SLC43A2: variants seen among roughly 807,000 people sequenced by gnomAD.
SLC43A2 encodes solute carrier family 43 member 2, also known as large neutral amino acids transporter small subunit 4.
SLC43A2 carries 38 observed loss-of-function variants against 63.2 expected under a neutral mutation model. That is an observed-to-expected ratio of 0.60 (90% CI 0.46 to 0.79). SLC43A2 has a LOEUF of 0.79. SLC43A2 is among the 30% of genes least tolerant of loss of function. The probability of loss-of-function intolerance (pLI) is 0.00; values close to 1 mark genes in which losing one functional copy is unlikely to be tolerated. For missense variants in SLC43A2, 644 were observed against 756.2 expected (o/e 0.85, Z 1.74); for synonymous variants, 322 against 331.0 (o/e 0.97, Z 0.30).
chr17:1,594,877 C>T lies in SLC43A2; in HGVS notation c.502-1598G>A, dbSNP rs551400281. Among the ~76,000 whole-genome samples, 14 of 152,022 alleles carry T rather than the reference C, an allele frequency of 9.2e-5. No homozygotes were observed. The South Asian group carries it at 1.5e-3, about 16-fold the overall frequency. On this transcript the variant is annotated intron_variant, in intron 5 of 13. Transcript: ENST00000301335. ...TGCTGGGATTACAGGCGTGAGCCAC[C>T]GCGCCCAACCTTTTTTTCTTGTTTT... is the stretch of plus-strand genomic sequence containing the variant.
At chr17:1,629,444 C>A (rs1012106369), upstream of SLC43A2, among the ~76,000 whole-genome samples, 1 of 152,146 alleles carries the variant, frequency 6.6e-6, no homozygotes, top group East Asian at 1.9e-4. Context: ...CGGACCCGGT[C>A]CAGCCGTGGC....
At chr17:1,611,364 G>A (rs911292951) in intron 5 of SLC43A2, among the ~76,000 whole-genome samples, 4 of 152,156 alleles carry the variant, frequency 2.6e-5, no homozygotes, top group African/African-American at 7.2e-5. Context: ...GCCGAGCGCC[G>A]TGGCTCACGC....
intron 5 of SLC43A2, chr17:1,604,532 G>A: frequency 1.6e-6 from 1 of 614,608 alleles, no homozygotes. Context: ...ACCCCCCGGA[G>A]GTCACCACAC....
chr17:1,601,124 C>G (rs1905977530), intron 5 of SLC43A2, among the ~76,000 whole-genome samples: 1 of 151,796 alleles, frequency 6.6e-6, no homozygotes, highest in South Asian at 2.1e-4. Context: ...TGCAAAAATG[C>G]TGCATTTATT....
At position 1,625,067 on chromosome 17, in the gene SLC43A2, C is replaced by T. The variant is rs560747223; in HGVS notation, c.160+2648G>A. Among the ~76,000 whole-genome samples, 50 of 152,266 alleles carry T rather than the reference C, an allele frequency of 3.3e-4. 3 individuals carry two copies. Among genetic ancestry groups the T allele is most frequent in the South Asian group, 6.2e-4 (3 of 4,824 alleles). On this transcript the variant is annotated intron_variant, in intron 2 of 13. Transcript: ENST00000301335. ...CAGCTCCAGGAAGCCCCGTGCTTCTCGGGCTGAGAACCCAACTGGTCTCCT... is the reference window on the plus strand; with the variant it reads ...CAGCTCCAGGAAGCCCCGTGCTTCTTGGGCTGAGAACCCAACTGGTCTCCT...
chr17:1,575,577 G>A lies in SLC43A2; in HGVS notation c.*27C>T. On this transcript the variant is annotated 3_prime_UTR_variant, in exon 14 of 14. Transcript: ENST00000301335. ...GGGTCAGTCACTGAAGCACAGGCAG[G>A]AGACCGCAGTTCCGAGGCGGCAGCC... The A allele has an allele frequency of 1.2e-6, 2 of 1,613,978 alleles. No homozygotes were observed. Among genetic ancestry groups the A allele is most frequent in the Non-Finnish European group, 8.5e-7 (1 of 1,179,966 alleles).
chr17:1,610,894 T>A (rs1399990917), intron 5 of SLC43A2, among the ~76,000 whole-genome samples: 1 of 151,188 alleles, frequency 6.6e-6, no homozygotes, highest in Non-Finnish European at 1.5e-5. Context: ...AGGCTGGAGT[T>A]CAGTGGCGCG....
chr17:1,612,492 A>G (rs1011417792), intron 5 of SLC43A2, among the ~76,000 whole-genome samples: 1 of 152,342 alleles, frequency 6.6e-6, no homozygotes. Flanking sequence ...GCAAAGGTTG[A>G]GGCAGTTCCA....
chr17:1,622,646 G>T (rs549854121), intron 2 of SLC43A2, among the ~76,000 whole-genome samples: 2 of 152,108 alleles, frequency 1.3e-5, no homozygotes. Context: ...GGGCGCAGTG[G>T]CTCACGCCTG....
chr17:1,621,729 G>A (rs1908182195), intron 2 of SLC43A2, among the ~76,000 whole-genome samples: 1 of 152,246 alleles, frequency 6.6e-6, no homozygotes, highest in African/African-American at 2.4e-5. Context: ...GATGCTCAGA[G>A]CAGGTAAGTC....
At position 1,590,664 on chromosome 17, in the gene SLC43A2, G is replaced by C; in HGVS notation, c.1078+138C>G. On this transcript the variant is annotated intron_variant, in intron 9 of 13. Coordinates refer to ENST00000301335, the MANE Select transcript of SLC43A2 (RefSeq NM_152346.3). ...GGGCTGGCAGTGATGCAATAGCTCT[G>C]ACGGGCAGACAGCTCCTGGGATGCG... 2.7e-6 allele frequency: 3 copies of C among 1,126,894 alleles called. No individual in the cohort carries two copies. The South Asian group carries it at 4.5e-5, about 17-fold the overall frequency. 69.8% of individuals were successfully genotyped at this position (1,126,894 alleles called of 1,614,324 possible).
At chr17:1,581,845 G>T (rs890637377) in intron 11 of SLC43A2, among the ~76,000 whole-genome samples, 3 of 145,278 alleles carry the variant, frequency 2.1e-5, no homozygotes, top group Non-Finnish European at 4.5e-5. Flanking sequence ...TCACTCTGTC[G>T]CCCAGGCTGG....
At chr17:1,616,432 A>T in intron 3 of SLC43A2, 130 bp downstream of exon 3, 2 of 884,990 alleles carry the variant, frequency 2.3e-6, no homozygotes, top group East Asian at 2.7e-5. Context: ...TAGGAACTCC[A>T]TTCTGGAGGG....
chr17:1,595,475 G>A (rs779172737), intron 5 of SLC43A2, among the ~76,000 whole-genome samples: 4 of 151,738 alleles, frequency 2.6e-5, no homozygotes, highest in Admixed American at 6.6e-5. Context: ...GCAGGGTATC[G>A]CTCTGTCACC....
At chr17:1,595,642 C>T (rs1905225588) in intron 5 of SLC43A2, among the ~76,000 whole-genome samples, 1 of 151,916 alleles carries the variant, frequency 6.6e-6, no homozygotes, top group African/African-American at 2.4e-5. Context: ...GATAGGGTTT[C>T]ACCATGCTGC....
intron 5 of SLC43A2, chr17:1,604,664 A>C: frequency 1.4e-6 from 2 of 1,472,172 alleles, no homozygotes; most frequent in South Asian, 1.2e-5. Context: ...GGATACCACA[A>C]TGCCCAGTCC....
chr17:1,595,739 C>T (rs1391476746), intron 5 of SLC43A2, among the ~76,000 whole-genome samples: 2 of 152,158 alleles, frequency 1.3e-5, no homozygotes, highest in Non-Finnish European at 2.9e-5. Flanking sequence ...GCCATCACGC[C>T]CGGCCTTTAA....
At chr17:1,604,919 G>A in intron 5 of SLC43A2, 1 of 1,528,046 alleles carries the variant, frequency 6.5e-7, no homozygotes, top group South Asian at 1.2e-5. Flanking sequence ...GCGCATAATG[G>A]CTGTTCGAAG....
intron 2 of SLC43A2, among the ~76,000 whole-genome samples, chr17:1,626,511 C>T (rs1036368765): frequency 3.9e-4 from 60 of 152,244 alleles, no homozygotes; most frequent in African/African-American, 1.3e-3. Context: ...CCTCTCCCCG[C>T]GGCCTCTGCA....
Sources: gnomAD v4.1 joint callset for allele counts (sites outside exome capture counted in the v4.1 genomes callset) on GRCh38, gnomAD v4.1.1 for gene constraint, MANE v1.5 for transcripts, NCBI Gene and HGNC (gene_info 2026-07-23, HGNC 2026-07-21) for gene names.